LAMP2: variants seen among roughly 807,000 people sequenced by gnomAD.
LAMP2 encodes lysosome associated membrane protein 2.
LAMP2 carries 4 observed loss-of-function variants against 25.6 expected under a neutral mutation model. That is an observed-to-expected ratio of 0.16 (90% CI 0.08 to 0.36). The LOEUF (loss-of-function observed/expected upper bound fraction) is 0.36. LAMP2 is among the 10% of genes least tolerant of loss of function. LAMP2 has a pLI of 1.00. For synonymous variants in LAMP2, 108 were observed against 112.7 expected (o/e 0.96, Z 0.27); for missense variants, 272 against 301.4 (o/e 0.90, Z 0.72).
At chrX:120,446,569 C>G (rs772266632) in intron 5 of LAMP2, 142 bp from the exon 6 acceptor site, 4 of 619,640 alleles carry the variant, frequency 6.5e-6, no homozygotes, top group Non-Finnish European at 7.8e-6. Flanking sequence ...GGTGTCTTCA[C>G]TTTCAAACAA....
rs747940517 is a variant in LAMP2 at position 120,439,424 on chromosome X, T to C, written c.1093+2306A>G. On this transcript the variant is annotated intron_variant, in intron 8 of 8. Transcript: ENST00000200639. ...ACTTCAAGTAACTAAGACAGGTATA[T>C]TTTTATGATAAAGCTATAGAAAATG... 10 of 578,445 alleles carry C rather than the reference T, an allele frequency of 1.7e-5. No homozygotes were observed. In the African/African-American group the frequency reaches 1.8e-4, roughly 10 times the overall value. 47.7% of individuals were successfully genotyped at this position (578,445 alleles called of 1,213,427 possible).
At chrX:120,462,536 A>AAAAC (rs4017264) in intron 1 of LAMP2, among the ~76,000 whole-genome samples, 1 of 107,556 alleles carries the variant, frequency 9.3e-6, no homozygotes, top group Admixed American at 1.0e-4. Flanking sequence ...AAAAAAAAAA[A>AAAAC]CCTCTCACAG....
chrX:120,439,331 T>C, intron 8 of LAMP2: 1 of 1,151,229 alleles, frequency 8.7e-7, no homozygotes, highest in East Asian at 3.0e-5. Flanking sequence ...ATAATGAGTA[T>C]AATCACAAAA....
intron 1 of LAMP2, among the ~76,000 whole-genome samples, chrX:120,461,895 T>C (rs1410785532): frequency 1.8e-5 from 2 of 112,008 alleles, no homozygotes; most frequent in African/African-American, 6.5e-5. Context: ...CCATGTTGGG[T>C]TTCACTTCAA....
At chrX:120,457,730 A>C (rs773712761) in intron 1 of LAMP2, among the ~76,000 whole-genome samples, 2 of 112,698 alleles carry the variant, frequency 1.8e-5, no homozygotes, top group Non-Finnish European at 3.7e-5. Context: ...CCAGCAGCAT[A>C]AATATTGGGC....
At chrX:120,453,102 C>T (rs1280374850) in intron 3 of LAMP2, among the ~76,000 whole-genome samples, 1 of 111,224 alleles carries the variant, frequency 9.0e-6, no homozygotes, top group Non-Finnish European at 1.9e-5. Flanking sequence ...TTTGTCTCCC[C>T]AGCTCATTCT....
At chrX:120,440,911 C>T (rs1414255957) in intron 8 of LAMP2, among the ~76,000 whole-genome samples, 2 of 112,102 alleles carry the variant, frequency 1.8e-5, no homozygotes, top group South Asian at 3.7e-4. Context: ...CAAAAGTAGT[C>T]GAATGGCTCA....
At chrX:120,469,304 C>G (rs181118176), upstream of LAMP2, 1 of 617,330 alleles carries the variant, frequency 1.6e-6, no homozygotes, top group Non-Finnish European at 2.6e-6. Context: ...AGCCAGGAAT[C>G]GGCGCTTCAG....
chrX:120,458,115 T>G (rs1167423459), intron 1 of LAMP2, among the ~76,000 whole-genome samples: 1 of 111,942 alleles, frequency 8.9e-6, no homozygotes, highest in East Asian at 2.8e-4. Flanking sequence ...AAGGGAGCTG[T>G]TATACTTACT....
At chrX:120,446,072 G>C (rs193058353) in intron 6 of LAMP2, among the ~76,000 whole-genome samples, 56 of 110,638 alleles carry the variant, frequency 5.1e-4, no homozygotes, top group African/African-American at 1.6e-3. Context: ...CTACCCTAGA[G>C]TCTCTCTAAT....
At position 120,427,389 on chromosome X, in the gene LAMP2, C is replaced by G. The variant is rs972536036; in HGVS notation, c.*3934G>C. Among the ~76,000 whole-genome samples, 42 of 110,909 alleles carry G rather than the reference C, an allele frequency of 3.8e-4. No individual in the cohort carries two copies. The highest frequency in any genetic ancestry group is 1.3e-3 in the African/African-American group (40 of 30,466). On this transcript the variant is annotated 3_prime_UTR_variant, in exon 9 of 9. Coordinates refer to ENST00000200639, the MANE Select transcript of LAMP2 (RefSeq NM_002294.3). ...ACACAGGGATGAGTGGTCTCCAGTA[C>G]CTTACTCCAGAAGCCGGAGCCATTA...
At chrX:120,436,803 C>T (rs1269061683) in intron 8 of LAMP2, 5 of 725,795 alleles carry the variant, frequency 6.9e-6, no homozygotes, top group Non-Finnish European at 6.5e-6. Context: ...ATGTAAAATA[C>T]AAAAATATTC....
In LAMP2 at chrX:120,469,137, G is replaced by A; in HGVS notation, c.33C>T (p.Gly11=). 8.2e-7 allele frequency: 1 copy of A among 1,212,293 alleles called. No homozygotes were observed. Among genetic ancestry groups the A allele is most frequent in the Non-Finnish European group, 1.1e-6 (1 of 895,573 alleles). Residue 11 remains glycine (G), a synonymous_variant, in exon 1 of 9, where the codon GGC becomes GGT. Coordinates refer to ENST00000200639, the MANE Select transcript of LAMP2 (RefSeq NM_002294.3). ...CTAGGCAGACCAGAACGAGCCCTGA[G>A]CCCGGAACCGGGAAGAGGCGGAAGC... is the stretch of plus-strand genomic sequence containing the variant. MVCFRLFPVP[G]SGLVLVCLVL...
chrX:120,428,800 C>A lies in LAMP2; in HGVS notation c.*2523G>T, dbSNP rs934452871. On this transcript the variant is annotated 3_prime_UTR_variant, in exon 9 of 9. Transcript: ENST00000200639. ...CATTATCACTTTATCTAAAATCACACGAAATTCCTCAGTACGAAAAGCAGA... is the reference window on the plus strand; with the variant it reads ...CATTATCACTTTATCTAAAATCACAAGAAATTCCTCAGTACGAAAAGCAGA... 2 of 752,372 alleles carry A rather than the reference C, an allele frequency of 2.7e-6. No homozygotes were observed. Among genetic ancestry groups the A allele is most frequent in the Non-Finnish European group, 1.6e-6 (1 of 638,074 alleles). 62.0% of individuals were successfully genotyped at this position (752,372 alleles called of 1,213,427 possible). A position where few individuals can be genotyped will look rare whatever the true frequency, so the allele number is the denominator to read the frequency against.
intron 8 of LAMP2, among the ~76,000 whole-genome samples, chrX:120,440,890 C>T (rs1028429954): frequency 4.5e-5 from 5 of 112,199 alleles, no homozygotes; most frequent in African/African-American, 1.6e-4. Context: ...ACTAGGTATT[C>T]AACACCACTG....
At position 120,449,011 on chromosome X, in the gene LAMP2, A is replaced by G. The variant is rs371174243; in HGVS notation, c.515T>C (p.Leu172Pro). ...NDVVQHYWDV[L>P]VQAFVQNGTV... ...GCCATTTTGGACAAAAGCTTGTACAAGAACATCCCAGTAGTGTTGGACAAC... is the reference window on the plus strand; with the variant it reads ...GCCATTTTGGACAAAAGCTTGTACAGGAACATCCCAGTAGTGTTGGACAAC... Residue 172 changes from leucine (L) to proline (P), a missense_variant, in exon 4 of 9, where the codon CTT becomes CCT. Physicochemically the swap from Leu to Pro is moderately conservative, Grantham distance 98. Transcript: ENST00000200639. The G allele has an allele frequency of 6.6e-6, 8 of 1,207,901 alleles. No homozygotes were observed. Among genetic ancestry groups the G allele is most frequent in the Non-Finnish European group, 3.4e-6 (3 of 893,115 alleles).
chrX:120,439,376 T>C (rs1275214385), intron 8 of LAMP2: 1 of 918,489 alleles, frequency 1.1e-6, no homozygotes, highest in African/African-American at 1.9e-5. Flanking sequence ...GATTTAAAAG[T>C]CAGAAATGTT....
rs766962315 is a variant in LAMP2, at chrX:120,441,823, C to G, written c.1000G>C (p.Glu334Gln). The G allele has an allele frequency of 1.9e-5, 23 of 1,205,733 alleles. No homozygotes were observed. The highest frequency in any genetic ancestry group is 1.6e-5 in the Non-Finnish European group (14 of 891,053). ...PLGSSYMCNK[E>Q]QTVSVSGAFQ... ...GCTCCAGACACTGAAACAGTCTGCT[C>G]TTTGTTGCACATATAAGAACTTCCC... is the stretch of plus-strand genomic sequence containing the variant. Residue 334 changes from glutamate (E) to glutamine (Q), a missense_variant, in exon 8 of 9, where the codon GAG becomes CAG. Physicochemically the swap from Glu to Gln is conservative, Grantham distance 29. Coordinates refer to ENST00000200639, the MANE Select transcript of LAMP2 (RefSeq NM_002294.3).
intron 1 of LAMP2, among the ~76,000 whole-genome samples, chrX:120,459,408 C>T (rs1386988555): frequency 8.9e-6 from 1 of 112,287 alleles, no homozygotes; most frequent in African/African-American, 3.2e-5. Flanking sequence ...AGGTATCCAC[C>T]CCACACTTTG....
Sources: allele counts gnomAD v4.1 joint callset (sites outside exome capture counted in the v4.1 genomes callset), GRCh38; gene constraint gnomAD v4.1.1; transcripts MANE v1.5; gene names NCBI Gene and HGNC (gene_info 2026-07-23, HGNC 2026-07-21).